Variants in FBXO15 observed in about 807,000 individuals in gnomAD.
FBXO15 encodes F-box only protein 15.
Under a neutral mutation model 49.5 loss-of-function variants are expected in FBXO15, and 30 were observed. The ratio of observed to expected loss-of-function variants is 0.61; its 90% CI spans 0.45 to 0.82. The LOEUF (loss-of-function observed/expected upper bound fraction) is 0.82. Among genes scored for constraint, FBXO15 ranks in the 40% least tolerant of loss-of-function variants. FBXO15 has a pLI of 0.00. For synonymous variants in FBXO15, 250 were observed against 232.7 expected, an observed-to-expected ratio of 1.07 and a Z score of -0.68; for missense variants, 591 against 631.5, an observed-to-expected ratio of 0.94 and a Z score of 0.69.
chr18:74,143,910 C>T (rs1204399937), intron 1 of FBXO15, among the ~76,000 whole-genome samples: 2 of 152,228 alleles, frequency 1.3e-5, no homozygotes, highest in Non-Finnish European at 2.9e-5. Context: ...ACATCACCAT[C>T]CAACACTATA....
chr18:74,132,873 T>C (rs1978481036), intron 3 of FBXO15, among the ~76,000 whole-genome samples: 1 of 152,086 alleles, frequency 6.6e-6, no homozygotes, highest in Admixed American at 6.5e-5. Context: ...CACACACCCC[T>C]GTTTTTCTCA....
At position 74,073,494 on chromosome 18, in the gene FBXO15, T is replaced by C. The variant is rs1912116885; in HGVS notation, c.1500A>G (p.Ala500=). 5 of 1,614,144 alleles carry C rather than the reference T, an allele frequency of 3.1e-6. No individual in the cohort carries two copies. Among genetic ancestry groups the C allele is most frequent in the Non-Finnish European group, 4.2e-6 (5 of 1,180,012 alleles). The change falls in exon 10 of 10, where the codon GCA becomes GCG. Residue 500 remains alanine (A), a synonymous_variant. Coordinates refer to ENST00000419743, the MANE Select transcript of FBXO15 (RefSeq NM_001142958.2). ...IVNLVLYLSI[A]KINHWFGTEY ...CAGTCCCAAACCAATGGTTGATTTT[T>C]GCGATACTAAGATAAAGGACCAGGT...
At chr18:74,084,463 G>A (rs1006134990) in intron 8 of FBXO15, among the ~76,000 whole-genome samples, 13 of 152,362 alleles carry the variant, frequency 8.5e-5, no homozygotes, top group Non-Finnish European at 1.6e-4. Context: ...CAGAGGTTCT[G>A]AGGCTGCTAA....
At chr18:74,124,083 G>A (rs995813329) in intron 7 of FBXO15, among the ~76,000 whole-genome samples, 13 of 151,976 alleles carry the variant, frequency 8.6e-5, no homozygotes, top group South Asian at 2.1e-4. Context: ...ACCTAAAGAC[G>A]CGCAAATTCA....
At chr18:74,121,016 G>T (rs1171914926) in intron 8 of FBXO15, among the ~76,000 whole-genome samples, 2 of 152,036 alleles carry the variant, frequency 1.3e-5, no homozygotes, top group Non-Finnish European at 2.9e-5. Flanking sequence ...ACATGAAAAA[G>T]ATAATAAGGG....
chr18:74,141,206 A>C (rs9319893), intron 1 of FBXO15, among the ~76,000 whole-genome samples: 5,800 of 152,290 alleles, frequency 0.038, 362 homozygotes, highest in African/African-American at 0.13. Flanking sequence ...ATCAGTCCTC[A>C]AAACCAGTAG....
intron 8 of FBXO15, among the ~76,000 whole-genome samples, chr18:74,115,693 T>A (rs1179436809): frequency 2.0e-5 from 3 of 152,230 alleles, no homozygotes; most frequent in Non-Finnish European, 4.4e-5. Flanking sequence ...CATATGTATC[T>A]TTTAAAGGAT....
intron 8 of FBXO15, chr18:74,098,253 T>A (rs942136241): frequency 2.0e-5 from 3 of 151,428 alleles, no homozygotes; most frequent in African/African-American, 7.3e-5. Flanking sequence ...CAGCAATAAA[T>A]CCAAACCAAG....
intron 2 of FBXO15, among the ~76,000 whole-genome samples, 180 bp downstream of exon 2, chr18:74,140,022 C>T (rs1319621473): frequency 6.6e-6 from 1 of 152,230 alleles, no homozygotes; most frequent in East Asian, 1.9e-4. Flanking sequence ...AAGTTCATCT[C>T]ATAAGGATAG....
intron 3 of FBXO15, among the ~76,000 whole-genome samples, chr18:74,131,852 C>T (rs1171946517): frequency 6.6e-6 from 1 of 152,200 alleles, no homozygotes; most frequent in Admixed American, 6.5e-5. Flanking sequence ...GAGCAGTGGT[C>T]CTGAACTGCA....
intron 1 of FBXO15, 164 bp downstream of exon 1, chr18:74,147,506 G>A: frequency 8.0e-7 from 1 of 1,246,612 alleles, no homozygotes; most frequent in Non-Finnish European, 1.0e-6. Context: ...CACGTTGCAG[G>A]GTAGAAAGGA....
At position 74,135,786 on chromosome 18, in the gene FBXO15, C is replaced by T. The variant is rs202075662; in HGVS notation, c.308G>A (p.Arg103His). 1.5e-5 allele frequency: 24 copies of T among 1,608,656 alleles called. No homozygotes were observed. The highest frequency in any genetic ancestry group is 8.0e-5 in the African/African-American group (6 of 74,562). ...SLLCTGCVSR[R>H]FYHLANDNFI... ...CTTGTCATTGGCTAGATGATAAAAG[C>T]GCCTGCTCACACATCCAGTACACAG... Residue 103 changes from arginine (R) to histidine (H), a missense_variant, in exon 3 of 10, where the codon CGC becomes CAC. Arg to His is a conservative substitution (Grantham distance 29). Coordinates refer to ENST00000419743, the MANE Select transcript of FBXO15 (RefSeq NM_001142958.2).
chr18:74,125,801 G>A (rs1484493235), intron 6 of FBXO15, among the ~76,000 whole-genome samples, 174 bp downstream of exon 6: 1 of 152,202 alleles, frequency 6.6e-6, no homozygotes, highest in African/African-American at 2.4e-5. Flanking sequence ...AGCAGCCTCG[G>A]TGGAACAGAG....
intron 8 of FBXO15, among the ~76,000 whole-genome samples, chr18:74,102,382 T>C (rs1913562552): frequency 6.6e-6 from 1 of 152,086 alleles, no homozygotes; most frequent in Admixed American, 6.5e-5. Context: ...ATCAGGGTAG[T>C]GCAAATCAAA....
chr18:74,126,972 C>T (rs1372878646), intron 5 of FBXO15, among the ~76,000 whole-genome samples: 1 of 152,212 alleles, frequency 6.6e-6, no homozygotes, highest in Non-Finnish European at 1.5e-5. Context: ...GAAATAAACC[C>T]AGCATATGCA....
intron 5 of FBXO15, among the ~76,000 whole-genome samples, chr18:74,126,328 C>T (rs920818155): frequency 6.6e-6 from 1 of 152,244 alleles, no homozygotes; most frequent in African/African-American, 2.4e-5. Context: ...CTTGCTCTTA[C>T]TGTCAACTCA....
At chr18:74,103,883 T>C (rs1408761508) in intron 8 of FBXO15, among the ~76,000 whole-genome samples, 1 of 152,190 alleles carries the variant, frequency 6.6e-6, no homozygotes, top group East Asian at 1.9e-4. Context: ...AAAGGAGTTA[T>C]TCAGTCTGGA....
chr18:74,098,569 G>A, intron 8 of FBXO15: 1 of 152,172 alleles, frequency 6.6e-6, no homozygotes, highest in African/African-American at 2.4e-5. Context: ...CAAAGACACA[G>A]AAAAAAGAAT....
At chr18:74,106,834 A>C (rs1417317050) in intron 8 of FBXO15, among the ~76,000 whole-genome samples, 1 of 152,192 alleles carries the variant, frequency 6.6e-6, no homozygotes, top group East Asian at 1.9e-4. Flanking sequence ...TGAAAAGTGG[A>C]TACTAAATGT....
Sources: allele counts gnomAD v4.1 joint callset (sites outside exome capture counted in the v4.1 genomes callset), GRCh38; gene constraint gnomAD v4.1.1; transcripts MANE v1.5; gene names NCBI Gene and HGNC (gene_info 2026-07-23, HGNC 2026-07-21).